SLC49A4: variants seen among roughly 807,000 people sequenced by gnomAD.
The protein encoded by SLC49A4 is solute carrier family 49 member 4, also known as disrupted in renal cancer protein 2.
In SLC49A4, 36 loss-of-function variants were observed where a neutral mutation model predicts 50.6. That is an observed-to-expected ratio of 0.71 (90% CI 0.55 to 0.94). The LOEUF (loss-of-function observed/expected upper bound fraction) is 0.94. Among genes scored for constraint, SLC49A4 ranks in the 40% least tolerant of loss-of-function variants. SLC49A4 has a pLI of 0.00. For synonymous variants in SLC49A4, 248 were observed against 241.2 expected, an observed-to-expected ratio of 1.03 and a Z score of -0.26; for missense variants, 503 against 605.7, an observed-to-expected ratio of 0.83 and a Z score of 1.78.
At chr3:122,827,102 T>C in intron 3 of SLC49A4, 37 bp downstream of exon 3, 1 of 1,580,498 alleles carries the variant, frequency 6.3e-7, no homozygotes, top group Non-Finnish European at 8.6e-7. Context: ...TTATACTTTG[T>C]CTTTTATCTC....
At chr3:122,827,180 T>C in intron 3 of SLC49A4, 115 bp downstream of exon 3, 1 of 1,104,330 alleles carries the variant, frequency 9.1e-7, no homozygotes, top group Non-Finnish European at 1.3e-6. Flanking sequence ...GACTAATATG[T>C]AAATTTACAT....
At chr3:122,829,797 A>C (rs1477526123) in intron 3 of SLC49A4, among the ~76,000 whole-genome samples, 1 of 152,330 alleles carries the variant, frequency 6.6e-6, no homozygotes, top group African/African-American at 2.4e-5. Flanking sequence ...GTTATGAACA[A>C]GACAAGGATG....
intron 6 of SLC49A4, 59 bp downstream of exon 6, chr3:122,856,433 A>G (rs1248478284): frequency 7.1e-7 from 1 of 1,415,138 alleles, no homozygotes; most frequent in Non-Finnish European, 9.9e-7. Flanking sequence ...GCCTAAAGAT[A>G]AATAGGCTCC....
chr3:122,823,541 T>A (rs1936482507), intron 2 of SLC49A4, among the ~76,000 whole-genome samples: 1 of 152,258 alleles, frequency 6.6e-6, no homozygotes, highest in Non-Finnish European at 1.5e-5. Context: ...AATTTTACAT[T>A]CTCATTTGCC....
At chr3:122,804,232 G>T (rs1334145931) in intron 1 of SLC49A4, among the ~76,000 whole-genome samples, 5 of 152,254 alleles carry the variant, frequency 3.3e-5, no homozygotes, top group Admixed American at 3.3e-4. Flanking sequence ...TCGGGGAGGG[G>T]GATGCCACAC....
chr3:122,834,366 T>C (rs2107568619), intron 4 of SLC49A4, among the ~76,000 whole-genome samples: 1 of 152,284 alleles, frequency 6.6e-6, no homozygotes, highest in East Asian at 1.9e-4. Flanking sequence ...TCAAGTATCT[T>C]CTGTGACCAC....
chr3:122,844,652 G>A (rs1560221607), intron 4 of SLC49A4, among the ~76,000 whole-genome samples: 1 of 151,982 alleles, frequency 6.6e-6, no homozygotes, highest in Non-Finnish European at 1.5e-5. Context: ...TGTGCTGGCA[G>A]GTGCCTGTAA....
chr3:122,810,238 A>G (rs1294190478), intron 2 of SLC49A4, among the ~76,000 whole-genome samples: 2 of 152,210 alleles, frequency 1.3e-5, no homozygotes, highest in African/African-American at 4.8e-5. Flanking sequence ...TTCTACTTAT[A>G]TATAGTATCA....
intron 2 of SLC49A4, among the ~76,000 whole-genome samples, chr3:122,826,496 A>G (rs1370132349): frequency 1.3e-5 from 2 of 152,214 alleles, no homozygotes; most frequent in African/African-American, 4.8e-5. Context: ...TATAACAACT[A>G]AATGAAGCAA....
chr3:122,799,613 G>A (rs768084253), intron 1 of SLC49A4, among the ~76,000 whole-genome samples: 3 of 152,106 alleles, frequency 2.0e-5, no homozygotes, highest in Non-Finnish European at 2.9e-5. Context: ...CTCCATTGAC[G>A]GGCTTTAAGT....
At chr3:122,839,510 A>G (rs373465290) in intron 4 of SLC49A4, among the ~76,000 whole-genome samples, 1 of 152,200 alleles carries the variant, frequency 6.6e-6, no homozygotes, top group Non-Finnish European at 1.5e-5. Flanking sequence ...ACTAATATCT[A>G]GAATCTACAA....
chr3:122,860,054 A>G (rs748572783), intron 6 of SLC49A4, 21 bp from the exon 7 acceptor site: 2 of 1,594,452 alleles, frequency 1.3e-6, no homozygotes, highest in Non-Finnish European at 8.5e-7. Context: ...ACTAGAATTA[A>G]TAGAGCATTT....
At chr3:122,835,377 A>C (rs139220331) in intron 4 of SLC49A4, among the ~76,000 whole-genome samples, 69 of 152,338 alleles carry the variant, frequency 4.5e-4, no homozygotes, top group African/African-American at 1.5e-3. Context: ...ATCCTTAATA[A>C]AAACACTAGC....
At chr3:122,830,497 T>C (rs893928743) in intron 3 of SLC49A4, among the ~76,000 whole-genome samples, 51 of 152,196 alleles carry the variant, frequency 3.4e-4, no homozygotes, top group African/African-American at 1.2e-3. Context: ...TCTAAAAAAG[T>C]GATACTGCGT....
At chr3:122,817,747 ATTTTTTTT>A (rs77819385) in intron 2 of SLC49A4, among the ~76,000 whole-genome samples, 20 of 71,866 alleles carry the variant, frequency 2.8e-4, no homozygotes, top group Admixed American at 1.4e-3. Context: ...CACCCAGCTA[ATTTTTTTT>A]TTTTTTTTTT....
intron 7 of SLC49A4, among the ~76,000 whole-genome samples, chr3:122,866,690 GC>G (rs1258277044): frequency 6.6e-6 from 1 of 152,062 alleles, no homozygotes; most frequent in Non-Finnish European, 1.5e-5. Flanking sequence ...TCTGACCTTA[GC>G]TTTTAATCTA....
chr3:122,849,175 A>G (rs1352877636), intron 5 of SLC49A4, among the ~76,000 whole-genome samples: 1 of 152,184 alleles, frequency 6.6e-6, no homozygotes, highest in Admixed American at 6.5e-5. Context: ...TCCATTGTGT[A>G]TATATCTGAT....
chr3:122,846,447 A>G lies in SLC49A4; in HGVS notation c.942+576A>G, dbSNP rs1936854272. ...AATTTGTCTATTCTGCTTTTGGTGA[A>G]CATTTGGATTGGATTGTTAACCAGT... On this transcript the variant is annotated intron_variant, in intron 5 of 8. Coordinates refer to ENST00000261038, the MANE Select transcript of SLC49A4 (RefSeq NM_032839.3). 2.0e-5 allele frequency among the ~76,000 whole-genome samples: 3 copies of G among 152,178 alleles called. No individual in the cohort carries two copies. In the South Asian group the frequency reaches 6.2e-4, roughly 31 times the overall value.
intron 7 of SLC49A4, among the ~76,000 whole-genome samples, chr3:122,861,347 A>G (rs1386382023): frequency 1.3e-5 from 2 of 152,350 alleles, no homozygotes; most frequent in East Asian, 3.9e-4. Context: ...CTTATAAACC[A>G]GAGACTCTGT....
Sources: allele counts gnomAD v4.1 joint callset (sites outside exome capture counted in the v4.1 genomes callset), GRCh38; gene constraint gnomAD v4.1.1; transcripts MANE v1.5; gene names NCBI Gene and HGNC (gene_info 2026-07-23, HGNC 2026-07-21).